The following SPSB1 variants were observed in gnomAD, a reference collection of about 807,000 sequenced individuals.
SPSB1 encodes SPRY domain-containing SOCS box protein 1.
In SPSB1, 8 loss-of-function variants were observed where a neutral mutation model predicts 21.2. That is an observed-to-expected ratio of 0.38 (90% CI 0.22 to 0.68). SPSB1 has a LOEUF of 0.68. Among genes scored for constraint, SPSB1 ranks in the 30% least tolerant of loss-of-function variants. SPSB1 has a pLI of 0.53. For missense variants in SPSB1, 242 were observed against 377.8 expected (o/e 0.64, Z 2.98); for synonymous variants, 169 against 161.7 (o/e 1.05, Z -0.34).
chr1:9,310,206 C>T (rs1465790396), intron 1 of SPSB1, among the ~76,000 whole-genome samples: 1 of 151,992 alleles, frequency 6.6e-6, no homozygotes. Flanking sequence ...CTGCACCTGC[C>T]GTGGGAAGGC....
chr1:9,331,553 AAC>A (rs1476748982), intron 1 of SPSB1, among the ~76,000 whole-genome samples: 3 of 151,898 alleles, frequency 2.0e-5, no homozygotes, highest in Non-Finnish European at 2.9e-5. Context: ...GCTGGTCTTG[AAC>A]TCCTGACCTC....
chr1:9,306,026 C>T (rs551537775), intron 1 of SPSB1, among the ~76,000 whole-genome samples: 70 of 152,232 alleles, frequency 4.6e-4, no homozygotes, highest in Non-Finnish European at 7.1e-4. Context: ...CTTTAGGGAA[C>T]GAAGGCGTGT....
At position 9,348,293 on chromosome 1, in the gene SPSB1, G is replaced by T. The variant is rs571980096; in HGVS notation, c.-149-7450G>T. 6.6e-6 allele frequency among the ~76,000 whole-genome samples: 1 copy of T among 152,170 alleles called. No individual in the cohort carries two copies. Among genetic ancestry groups the T allele is most frequent in the Admixed American group, 6.5e-5 (1 of 15,280 alleles). Reference sequence around the variant, plus strand: ...GCACTGTCTCGCTCCTGTCTCGGCGGTAGTGCTGTGTCTAGCATCACATTC... The same window carrying T: ...GCACTGTCTCGCTCCTGTCTCGGCGTTAGTGCTGTGTCTAGCATCACATTC... On this transcript the variant is annotated intron_variant, in intron 1 of 2. Coordinates refer to ENST00000328089, the MANE Select transcript of SPSB1 (RefSeq NM_025106.4). This position sits in a 1 kb window ranked among gnomAD's most constrained non-coding sequence, Gnocchi z 4.8.
rs1640590550 is a variant in SPSB1, at chr1:9,367,293, A to G, written c.695-155A>G. On this transcript the variant is annotated intron_variant, in intron 2 of 2. Coordinates refer to ENST00000328089, the MANE Select transcript of SPSB1 (RefSeq NM_025106.4). The surrounding 1 kb of genome is among the most constrained non-coding windows in gnomAD (Gnocchi z 5.9). ...TGGGCTCCTGGTGGCAGCTATTCAC[A>G]TGCTAAATTTAAAATGAAAAAGCAT... Among the ~76,000 whole-genome samples, 1 of 152,206 alleles carries G rather than the reference A, an allele frequency of 6.6e-6. No individual in the cohort carries two copies. Among genetic ancestry groups the G allele is most frequent in the South Asian group, 2.1e-4 (1 of 4,834 alleles).
At chr1:9,329,776 G>A (rs1306298243) in intron 1 of SPSB1, among the ~76,000 whole-genome samples, 5 of 151,898 alleles carry the variant, frequency 3.3e-5, no homozygotes, top group African/African-American at 9.7e-5. Flanking sequence ...CCCAGATCTC[G>A]GCATCGGACA....
chr1:9,326,115 G>T (rs145135271), intron 1 of SPSB1, among the ~76,000 whole-genome samples: 228 of 152,078 alleles, frequency 1.5e-3, no homozygotes, highest in African/African-American at 4.7e-3. Flanking sequence ...CTGCCGACAC[G>T]TGGGGAGGTC....
Position 9,356,029 on chromosome 1 carries a change from G to A in SPSB1, c.138G>A (p.Val46=). ...ATCTGCTACTGGACATGCCCCCTGT[G>A]TCCTATGATGTCCAGCTGCTGCATT... ...RLDLLLDMPP[V]SYDVQLLHSW... The change falls in exon 2 of 3, where the codon GTG becomes GTA. Residue 46 remains valine, a synonymous_variant. Coordinates refer to ENST00000328089, the MANE Select transcript of SPSB1 (RefSeq NM_025106.4). The surrounding 1 kb of genome is among the most constrained non-coding windows in gnomAD (Gnocchi z 7.4). 1 of 1,614,156 alleles carries A rather than the reference G, an allele frequency of 6.2e-7. No homozygotes were observed. Among genetic ancestry groups the A allele is most frequent in the Admixed American group, 1.7e-5 (1 of 60,030 alleles).
At position 9,356,610 on chromosome 1, in the gene SPSB1, G is replaced by A. The variant is rs772773642; in HGVS notation, c.694+25G>A. On this transcript the variant is annotated intron_variant, in intron 2 of 2. Coordinates refer to ENST00000328089, the MANE Select transcript of SPSB1 (RefSeq NM_025106.4). This position sits in a 1 kb window ranked among gnomAD's most constrained non-coding sequence, Gnocchi z 7.4. Reference sequence around the variant, plus strand: ...CGTAAGTGTCTCCTCTGCTGTCAGAGGCAATGCCCTCCCTCAGTCCCCATG... The same window carrying A: ...CGTAAGTGTCTCCTCTGCTGTCAGAAGCAATGCCCTCCCTCAGTCCCCATG... 3 of 1,561,546 alleles carry A rather than the reference G, an allele frequency of 1.9e-6. No homozygotes were observed. The South Asian group carries it at 3.7e-5, about 19-fold the overall frequency.
At chr1:9,320,508 G>A (rs919034177) in intron 1 of SPSB1, among the ~76,000 whole-genome samples, 6 of 152,196 alleles carry the variant, frequency 3.9e-5, no homozygotes, top group African/African-American at 1.4e-4. Context: ...TCCATAGCAC[G>A]CTGCTACTGA....
intron 1 of SPSB1, among the ~76,000 whole-genome samples, chr1:9,331,631 G>A (rs562450523): frequency 3.9e-5 from 6 of 152,104 alleles, no homozygotes; most frequent in African/African-American, 1.2e-4. Flanking sequence ...GTGCCTAGCC[G>A]GCACTCATTC....
rs888945749 is a variant in SPSB1, at chr1:9,325,116, G to A, written c.-149-30627G>A. On this transcript the variant is annotated intron_variant, in intron 1 of 2. Transcript: ENST00000328089. ...CAGAGCTCAGCACGTGGAGTTGGAT[G>A]AAGCTTCCTGTGCTCTCACTGTAGA... 1.1e-4 allele frequency among the ~76,000 whole-genome samples: 17 copies of A among 152,172 alleles called. 1 individual carries two copies. Among genetic ancestry groups the A allele is most frequent in the African/African-American group, 4.1e-4 (17 of 41,438 alleles).
At chr1:9,295,425 G>A (rs946105212) in intron 1 of SPSB1, among the ~76,000 whole-genome samples, 14 of 152,202 alleles carry the variant, frequency 9.2e-5, no homozygotes, top group African/African-American at 3.4e-4. Flanking sequence ...GAGAGACCTG[G>A]CCCTGGGAAG....
intron 1 of SPSB1, among the ~76,000 whole-genome samples, chr1:9,332,189 A>AG (rs1639932933): frequency 1.2e-5 from 1 of 83,370 alleles, no homozygotes; most frequent in Admixed American, 1.3e-4. Context: ...CACCTCTACC[A>AG]AAAAAAAAAA....
chr1:9,359,218 T>G, intron 2 of SPSB1, among the ~76,000 whole-genome samples: 1 of 152,184 alleles, frequency 6.6e-6, no homozygotes, highest in East Asian at 1.9e-4. Flanking sequence ...CAGTTGACTT[T>G]AGAGGTTCCA....
chr1:9,334,996 A>G (rs920271027), intron 1 of SPSB1, among the ~76,000 whole-genome samples: 1 of 152,206 alleles, frequency 6.6e-6, no homozygotes, highest in Non-Finnish European at 1.5e-5. Context: ...CAATGCTGCT[A>G]TGAACATGGG....
At chr1:9,354,372 C>T (rs930966733) in intron 1 of SPSB1, among the ~76,000 whole-genome samples, 2 of 152,152 alleles carry the variant, frequency 1.3e-5, no homozygotes, top group African/African-American at 2.4e-5. Context: ...ATTTCTTCAA[C>T]GGGAGCCTGC....
At chr1:9,309,580 C>T (rs539981995) in intron 1 of SPSB1, among the ~76,000 whole-genome samples, 2 of 152,264 alleles carry the variant, frequency 1.3e-5, no homozygotes, top group Admixed American at 6.5e-5. Flanking sequence ...CAGTGGCTCA[C>T]GCCTGTAATC....
At position 9,293,022 on chromosome 1, in the gene SPSB1, G is replaced by A. The variant is rs1238976342; in HGVS notation, c.-199G>A. ...TGCGGCGGGCGCGGCCCGGGCGCCC[G>A]AGCCTCCTCGGCCTTGGAGAGCAGC... On this transcript the variant is annotated 5_prime_UTR_variant, in exon 1 of 3. Coordinates refer to ENST00000328089, the MANE Select transcript of SPSB1 (RefSeq NM_025106.4). This position sits in a 1 kb window ranked among gnomAD's most constrained non-coding sequence, Gnocchi z 5.1. 28 of 982,668 alleles carry A rather than the reference G, an allele frequency of 2.8e-5. No homozygotes were observed. The highest frequency in any genetic ancestry group is 9.1e-5 in the South Asian group (2 of 22,008). The allele number at this position is 982,668 out of a possible 1,614,324, so 60.9% of individuals were successfully genotyped here. A position where few individuals can be genotyped will look rare whatever the true frequency, so the allele number is the denominator to read the frequency against.
At chr1:9,328,076 G>A (rs1164463736) in intron 1 of SPSB1, among the ~76,000 whole-genome samples, 1 of 152,228 alleles carries the variant, frequency 6.6e-6, no homozygotes, top group Non-Finnish European at 1.5e-5. Flanking sequence ...TCGCTTAGCT[G>A]GAGCAGGTGA....
Sources: allele counts gnomAD v4.1 joint callset (sites outside exome capture counted in the v4.1 genomes callset), GRCh38; gene constraint gnomAD v4.1.1; non-coding constraint Gnocchi (gnomAD v3.1); transcripts MANE v1.5; gene names NCBI Gene and HGNC (gene_info 2026-07-23, HGNC 2026-07-21).